TMEM178A: variants seen among roughly 807,000 people sequenced by gnomAD.
The protein encoded by TMEM178A is transmembrane protein 178.
A neutral mutation model predicts 29.1 loss-of-function variants in TMEM178A; 12 were observed. That is an observed-to-expected ratio of 0.41 (90% CI 0.26 to 0.67). TMEM178A has a LOEUF of 0.67. Ranked by LOEUF, TMEM178A falls within the 30% of genes least tolerant of loss-of-function variation. TMEM178A has a pLI of 0.29. For synonymous variants in TMEM178A, 210 were observed against 187.2 expected, an observed-to-expected ratio of 1.12 and a Z score of -0.99; for missense variants, 366 against 419.1, an observed-to-expected ratio of 0.87 and a Z score of 1.11.
chr2:39,721,201 C>CACA (rs1311476448), downstream of TMEM178A, among the ~76,000 whole-genome samples: 8 of 152,186 alleles, frequency 5.3e-5, no homozygotes, highest in Non-Finnish European at 1.2e-4. Context: ...GCAGGACAAC[C>CACA]ACAAATGCTT....
At chr2:39,720,988 G>T (rs536440340), downstream of TMEM178A, among the ~76,000 whole-genome samples, 10 of 152,216 alleles carry the variant, frequency 6.6e-5, no homozygotes, top group Middle Eastern at 3.4e-3. Flanking sequence ...CCTCAATATG[G>T]TTCTACACCT....
the TMEM178A span, among the ~76,000 whole-genome samples, chr2:39,735,208 T>G: frequency 1.3e-5 from 2 of 152,194 alleles, no homozygotes; most frequent in African/African-American, 2.4e-5. Flanking sequence ...GTTAACCTAA[T>G]CTCTCATCCT....
the TMEM178A span, among the ~76,000 whole-genome samples, chr2:39,727,804 C>T: frequency 2.2e-4 from 32 of 145,974 alleles, no homozygotes; most frequent in African/African-American, 8.1e-4. Flanking sequence ...TCTCTGAGAA[C>T]ATGAGGTGTT....
chr2:39,702,019 TGTAAG>T (rs1367308679), intron 1 of TMEM178A, among the ~76,000 whole-genome samples: 7 of 152,300 alleles, frequency 4.6e-5, no homozygotes, highest in South Asian at 2.1e-4. Context: ...TTAAAATCTT[TGTAAG>T]GTAAGTTCAA....
At chr2:39,697,193 A>G (rs1671581150) in intron 1 of TMEM178A, among the ~76,000 whole-genome samples, 3 of 152,166 alleles carry the variant, frequency 2.0e-5, no homozygotes, top group Non-Finnish European at 2.9e-5. Context: ...AGAAAGACCT[A>G]ATTTGTCTTT....
At chr2:39,692,206 A>G (rs1671344014) in intron 1 of TMEM178A, among the ~76,000 whole-genome samples, 1 of 152,182 alleles carries the variant, frequency 6.6e-6, no homozygotes, top group Non-Finnish European at 1.5e-5. Context: ...CAAGGAGTAC[A>G]AAGTTTCAGC....
intron 3 of TMEM178A, 125 bp from the exon 4 acceptor site, chr2:39,716,885 A>T: frequency 8.4e-7 from 1 of 1,192,674 alleles, no homozygotes; most frequent in South Asian, 1.5e-5. Context: ...ATAATTATGG[A>T]TCATTTGTGA....
intron 1 of TMEM178A, among the ~76,000 whole-genome samples, chr2:39,691,997 AT>A (rs1671335968): frequency 6.6e-6 from 1 of 152,078 alleles, no homozygotes; most frequent in Non-Finnish European, 1.5e-5. Flanking sequence ...AAAGAAGGAA[AT>A]GCTGTCATAT....
intron 1 of TMEM178A, among the ~76,000 whole-genome samples, chr2:39,674,640 C>A (rs1048886775): frequency 3.9e-5 from 6 of 152,134 alleles, no homozygotes; most frequent in African/African-American, 1.4e-4. Flanking sequence ...ACAAATACCA[C>A]CTGTACTCCA....
At chr2:39,714,816 A>G (rs1221767282) in intron 3 of TMEM178A, among the ~76,000 whole-genome samples, 1 of 152,228 alleles carries the variant, frequency 6.6e-6, no homozygotes, top group East Asian at 1.9e-4. Flanking sequence ...TGTTAAGTGT[A>G]AAATCAGAGG....
Position 39,707,151 on chromosome 2 carries a change from C to T in TMEM178A, c.617C>T (p.Thr206Ile), listed in dbSNP as rs750041095. The T allele has an allele frequency of 1.2e-6, 2 of 1,614,086 alleles. No individual in the cohort carries two copies. The highest frequency in any genetic ancestry group is 1.7e-6 in the Non-Finnish European group (2 of 1,179,992). The part of the protein sequence containing the change: ...TVSFFWEESL[T>I]QHVAGLLFLM... ...AGTTTCTTCTGGGAGGAGAGCTTGACCCAGCACGTGGCTGGACTCCTGTTC... is the reference window on the plus strand; with the variant it reads ...AGTTTCTTCTGGGAGGAGAGCTTGATCCAGCACGTGGCTGGACTCCTGTTC... Residue 206 changes from threonine to isoleucine, a missense_variant, in exon 3 of 4, where the codon ACC becomes ATC. Transcript: ENST00000281961.
intron 3 of TMEM178A, among the ~76,000 whole-genome samples, chr2:39,716,126 G>C (rs1177809655): frequency 2.0e-5 from 3 of 152,216 alleles, no homozygotes; most frequent in South Asian, 2.1e-4. Flanking sequence ...TCTGATACTT[G>C]ATTGGGTGCC....
rs751509065 is a variant in TMEM178A, at chr2:39,704,061, C to T, written c.401-20C>T. On this transcript the variant is annotated intron_variant, in intron 1 of 3. Transcript: ENST00000281961. ...TACAAATAAGCAGACTCGTAAATCG[C>T]GTTTCTTATTTCCTTCAAGGTATTG... 3.1e-6 allele frequency: 5 copies of T among 1,604,758 alleles called. No individual in the cohort carries two copies. The highest frequency in any genetic ancestry group is 1.3e-5 in the African/African-American group (1 of 74,830).
At position 39,704,202 on chromosome 2, in the gene TMEM178A, T is replaced by G; in HGVS notation, c.514+8T>G. 6.2e-7 allele frequency: 1 copy of G among 1,611,328 alleles called. No homozygotes were observed. The highest frequency in any genetic ancestry group is 8.5e-7 in the Non-Finnish European group (1 of 1,177,508). ...ATGAGTGGCACCTGCTTCGTAAGTA[T>G]TTCCAGGAGAGGTTCAGAGAGGAAA... On this transcript the variant is annotated splice_region_variant and intron_variant, in intron 2 of 3. Coordinates refer to ENST00000281961, the MANE Select transcript of TMEM178A (RefSeq NM_152390.3).
At chr2:39,721,945 G>A (rs998134137), downstream of TMEM178A, among the ~76,000 whole-genome samples, 2 of 126,376 alleles carry the variant, frequency 1.6e-5, no homozygotes, top group Non-Finnish European at 3.1e-5. Flanking sequence ...TCACACCACT[G>A]CACTGCACTC....
At chr2:39,708,201 G>A (rs964517637) in intron 3 of TMEM178A, among the ~76,000 whole-genome samples, 15 of 152,110 alleles carry the variant, frequency 9.9e-5, no homozygotes, top group African/African-American at 3.6e-4. Flanking sequence ...TAGGAAGAGC[G>A]TAGCAGACTG....
intron 3 of TMEM178A, among the ~76,000 whole-genome samples, chr2:39,710,425 C>T (rs1672252340): frequency 6.6e-6 from 1 of 151,904 alleles, no homozygotes; most frequent in African/African-American, 2.4e-5. Flanking sequence ...CAAATCTTGC[C>T]ATGTATTTGC....
rs5830581 is a variant in TMEM178A at position 39,667,450 on chromosome 2, T to TAA, written c.400+1086_400+1087dup. Among the ~76,000 whole-genome samples, 339 of 148,004 alleles carry TAA rather than the reference T, an allele frequency of 2.3e-3. 3 individuals are homozygous for TAA. The highest frequency in any genetic ancestry group is 0.022 in the East Asian group (114 of 5,090). On this transcript the variant is annotated intron_variant, in intron 1 of 3. Coordinates refer to ENST00000281961, the MANE Select transcript of TMEM178A (RefSeq NM_152390.3). ...AATGTATTTTTTTCCCCTTTGAGAT[T>TAA]AAAAAAAAAAATCAACATCTCTTCT...
At chr2:39,733,978 C>T in the TMEM178A span, among the ~76,000 whole-genome samples, 1 of 152,000 alleles carries the variant, frequency 6.6e-6, no homozygotes, top group East Asian at 1.9e-4. Context: ...TTTCGTCTTT[C>T]CTGGAATTCT....
Sources: allele counts gnomAD v4.1 joint callset (sites outside exome capture counted in the v4.1 genomes callset), GRCh38; gene constraint gnomAD v4.1.1; transcripts MANE v1.5; gene names NCBI Gene and HGNC (gene_info 2026-07-23, HGNC 2026-07-21).